Variants in TMEM164 observed in about 807,000 individuals in gnomAD.
The protein encoded by TMEM164 is transmembrane protein 164, also known as RP13-360B22.2.
TMEM164 carries 4 observed loss-of-function variants against 18.8 expected under a neutral mutation model. The observed-to-expected ratio is 0.21, with a 90% confidence interval of 0.10 to 0.49. The LOEUF is 0.49. Among genes scored for constraint, TMEM164 ranks in the 20% least tolerant of loss-of-function variants. The probability of loss-of-function intolerance (pLI) is 0.98; values close to 1 mark genes in which losing one functional copy is unlikely to be tolerated. For synonymous variants in TMEM164, 86 were observed against 101.7 expected (o/e 0.85, Z 0.93); for missense variants, 108 against 239.9 (o/e 0.45, Z 3.63).
At chrX:110,068,924 A>G (rs1255767241) in intron 3 of TMEM164, among the ~76,000 whole-genome samples, 1 of 111,999 alleles carries the variant, frequency 8.9e-6, no homozygotes. Flanking sequence ...ATACTTTAAT[A>G]TATCTTTTTC....
intron 4 of TMEM164, among the ~76,000 whole-genome samples, chrX:110,126,810 CTGTGTGTGTG>C (rs4035483): frequency 0.012 from 843 of 69,560 alleles, 6 homozygotes; most frequent in East Asian, 0.042. Context: ...TGGGCCACTC[CTGTGTGTGTG>C]TGTGTGTGTG....
At chrX:110,119,850 T>C (rs1477772274) in intron 4 of TMEM164, among the ~76,000 whole-genome samples, 1 of 111,875 alleles carries the variant, frequency 8.9e-6, no homozygotes, top group Admixed American at 9.5e-5. Flanking sequence ...TTGATGTTAG[T>C]CTTTAGAGCT....
intron 2 of TMEM164, among the ~76,000 whole-genome samples, chrX:110,044,684 C>G (rs1279488174): frequency 1.0e-5 from 1 of 97,964 alleles, no homozygotes; most frequent in African/African-American, 3.7e-5. Flanking sequence ...CTCCTGGGCT[C>G]ACATGATCGT....
At chrX:110,114,697 T>C (rs903803185) in intron 4 of TMEM164, among the ~76,000 whole-genome samples, 2 of 111,606 alleles carry the variant, frequency 1.8e-5, no homozygotes, top group Non-Finnish European at 3.8e-5. Flanking sequence ...CAAGGGAGAC[T>C]GGATACAGAA....
At chrX:110,120,762 C>T (rs2148005042) in intron 4 of TMEM164, among the ~76,000 whole-genome samples, 1 of 112,068 alleles carries the variant, frequency 8.9e-6, no homozygotes, top group African/African-American at 3.2e-5. Flanking sequence ...CCCTCCCCAG[C>T]CTCTAGTAAC....
chrX:110,086,635 T>C, intron 3 of TMEM164, among the ~76,000 whole-genome samples: 1 of 77,604 alleles, frequency 1.3e-5, no homozygotes, highest in East Asian at 3.1e-4. Flanking sequence ...TATGTATATA[T>C]GTGTATATAT....
At chrX:110,101,580 A>ATT (rs1298157425) in intron 3 of TMEM164, among the ~76,000 whole-genome samples, 1,609 of 90,780 alleles carry the variant, frequency 0.018, 43 homozygotes, top group African/African-American at 0.055. Context: ...GGTTTTATTG[A>ATT]TTTTTTTTTT....
chrX:110,133,441 G>A (rs761330841), intron 4 of TMEM164, among the ~76,000 whole-genome samples: 20 of 112,062 alleles, frequency 1.8e-4, no homozygotes, highest in Non-Finnish European at 3.6e-4. Flanking sequence ...ATGAGCCACC[G>A]CGCCCTGGAC....
At chrX:110,181,679 C>G (rs898818295), downstream of TMEM164, among the ~76,000 whole-genome samples, 1 of 112,889 alleles carries the variant, frequency 8.9e-6, no homozygotes, top group Non-Finnish European at 1.9e-5. Context: ...TTTCAGGTCC[C>G]GAGTGCCCTT....
chrX:110,067,291 T>A (rs1366350380), intron 2 of TMEM164, 56 bp from the exon 3 acceptor site: 4 of 1,085,610 alleles, frequency 3.7e-6, no homozygotes, highest in East Asian at 6.0e-5. Flanking sequence ...TAACATTGTC[T>A]CACTCTGTCT....
At chrX:110,129,870 A>G (rs1183295158) in intron 4 of TMEM164, among the ~76,000 whole-genome samples, 1 of 112,593 alleles carries the variant, frequency 8.9e-6, no homozygotes, top group Non-Finnish European at 1.9e-5. Flanking sequence ...CATGTAGCTA[A>G]CAGAACATTG....
Position 110,176,436 on chromosome X carries a change from C to T in TMEM164, c.*2985C>T. 1.3e-6 allele frequency: 1 copy of T among 754,907 alleles called. No individual in the cohort carries two copies. The highest frequency in any genetic ancestry group is 1.6e-6 in the Non-Finnish European group (1 of 638,001). The allele number at this position is 754,907 out of a possible 1,213,427, so 62.2% of individuals were successfully genotyped here. A position where few individuals can be genotyped will look rare whatever the true frequency, so the allele number is the denominator to read the frequency against. The stretch of plus-strand genomic sequence containing the variant: ...TTCTGAAGCCACAGACTCAGTCTCC[C>T]CAAGTCAGCAATCTCTTTCTCTCTC... On this transcript the variant is annotated 3_prime_UTR_variant, in exon 7 of 7. Transcript: ENST00000372068.
intron 3 of TMEM164, among the ~76,000 whole-genome samples, chrX:110,103,926 G>C (rs2147956800): frequency 9.0e-6 from 1 of 110,850 alleles, no homozygotes; most frequent in African/African-American, 3.3e-5. Flanking sequence ...CTTAGAAGCA[G>C]ATTTTTTCAA....
chrX:110,054,978 T>C lies in TMEM164; in HGVS notation c.391-12369T>C, dbSNP rs1276802527. ...TGTTTTATAACCTAAAATCAGAACC[T>C]AATGGAGTTGAAAAGTCTCATGAGC... On this transcript the variant is annotated intron_variant, in intron 2 of 6. Transcript: ENST00000372068. Among the ~76,000 whole-genome samples the C allele has an allele frequency of 2.7e-5, 3 of 111,549 alleles. No individual in the cohort carries two copies. In the East Asian group the frequency reaches 8.5e-4, roughly 32 times the overall value.
At chrX:110,152,140 C>G (rs1171554758) in intron 5 of TMEM164, among the ~76,000 whole-genome samples, 2 of 105,502 alleles carry the variant, frequency 1.9e-5, no homozygotes, top group African/African-American at 3.5e-5. Context: ...ACTGCAGCCT[C>G]CGCCTCCCGG....
chrX:110,071,848 C>T (rs2065596787), intron 3 of TMEM164, among the ~76,000 whole-genome samples: 1 of 109,467 alleles, frequency 9.1e-6, no homozygotes, highest in Non-Finnish European at 1.9e-5. Context: ...CTGCAGTGAA[C>T]TATGATTGTG....
chrX:110,150,768 G>A (rs1230975208), intron 5 of TMEM164, among the ~76,000 whole-genome samples: 3 of 111,478 alleles, frequency 2.7e-5, no homozygotes, highest in African/African-American at 9.8e-5. Flanking sequence ...AATATTTCTT[G>A]GAGAGCTTTC....
intron 5 of TMEM164, among the ~76,000 whole-genome samples, chrX:110,154,512 CG>C (rs1389658154): frequency 9.0e-6 from 1 of 111,008 alleles, no homozygotes; most frequent in East Asian, 2.8e-4. Flanking sequence ...CTCTGCTTCT[CG>C]GGTTCAATCA....
intron 3 of TMEM164, among the ~76,000 whole-genome samples, chrX:110,082,729 C>T (rs73250284): frequency 0.056 from 6,214 of 110,856 alleles, 191 homozygotes; most frequent in Middle Eastern, 0.12. Flanking sequence ...CCCCCCAGTT[C>T]CCCCAACACA....
Sources: gnomAD v4.1 joint callset for allele counts (sites outside exome capture counted in the v4.1 genomes callset) on GRCh38, gnomAD v4.1.1 for gene constraint, MANE v1.5 for transcripts, NCBI Gene and HGNC (gene_info 2026-07-23, HGNC 2026-07-21) for gene names.